SOHLH2: variants seen among roughly 807,000 people sequenced by gnomAD.
SOHLH2 encodes the protein spermatogenesis- and oogenesis-specific basic helix-loop-helix-containing protein 2.
In SOHLH2, 22 loss-of-function variants were observed where a neutral mutation model predicts 50.4. The ratio of observed to expected loss-of-function variants is 0.44; its 90% CI spans 0.31 to 0.62. The LOEUF (loss-of-function observed/expected upper bound fraction) is 0.62. Ranked by LOEUF, SOHLH2 falls within the 20% of genes least tolerant of loss-of-function variation. The probability of loss-of-function intolerance (pLI) is 0.08; values close to 1 mark genes in which losing one functional copy is unlikely to be tolerated. For missense variants in SOHLH2, 412 were observed against 504.4 expected (o/e 0.82, Z 1.76); for synonymous variants, 185 against 187.3 (o/e 0.99, Z 0.10).
At chr13:36,173,656 C>T (rs1408725103) in intron 9 of SOHLH2, 36 bp downstream of exon 9, 2 of 1,611,038 alleles carry the variant, frequency 1.2e-6, no homozygotes, top group Non-Finnish European at 1.7e-6. Flanking sequence ...AGGGCAGGTC[C>T]CCCTCTAAGT....
intron 10 of SOHLH2, among the ~76,000 whole-genome samples, chr13:36,170,207 G>A (rs1886924098): frequency 6.6e-6 from 1 of 152,150 alleles, no homozygotes; most frequent in Non-Finnish European, 1.5e-5. Flanking sequence ...AAAATGGGAT[G>A]TGCCACTGTG....
chr13:36,192,289 T>G (rs950801045), intron 4 of SOHLH2, among the ~76,000 whole-genome samples: 2 of 152,152 alleles, frequency 1.3e-5, no homozygotes, highest in African/African-American at 4.8e-5. Context: ...AATTTTTTCC[T>G]TTTTTGCAGC....
At chr13:36,194,598 G>C (rs745931054) in intron 2 of SOHLH2, among the ~76,000 whole-genome samples, 7 of 152,124 alleles carry the variant, frequency 4.6e-5, no homozygotes, top group Non-Finnish European at 7.4e-5. Context: ...TTTATTTCTT[G>C]AAATTTTTCA....
intron 9 of SOHLH2, among the ~76,000 whole-genome samples, chr13:36,172,999 G>C (rs1486378171): frequency 6.7e-6 from 1 of 148,208 alleles, no homozygotes; most frequent in Non-Finnish European, 1.5e-5. Context: ...TTTCCATCTT[G>C]TTATTTCAGG....
intron 9 of SOHLH2, among the ~76,000 whole-genome samples, chr13:36,172,653 A>G (rs1220268972): frequency 6.6e-6 from 1 of 152,210 alleles, no homozygotes; most frequent in Non-Finnish European, 1.5e-5. Context: ...GCTCCATAAG[A>G]ACAAGAACTG....
chr13:36,208,148 G>A (rs1256608348), intron 1 of SOHLH2, among the ~76,000 whole-genome samples: 1 of 152,118 alleles, frequency 6.6e-6, no homozygotes, highest in Non-Finnish European at 1.5e-5. Flanking sequence ...GATGGTTTGA[G>A]GCTTTGCAAA....
chr13:36,201,609 G>C (rs1231938137), intron 2 of SOHLH2, among the ~76,000 whole-genome samples: 1 of 151,850 alleles, frequency 6.6e-6, no homozygotes, highest in Non-Finnish European at 1.5e-5. Flanking sequence ...TGGAACTATA[G>C]GTGCATGTCA....
At chr13:36,197,353 C>T (rs573483045) in intron 2 of SOHLH2, among the ~76,000 whole-genome samples, 2 of 152,160 alleles carry the variant, frequency 1.3e-5, no homozygotes, top group Non-Finnish European at 2.9e-5. Flanking sequence ...TGCAGCAGTA[C>T]CCACCCACTG....
Position 36,188,002 on chromosome 13 carries a change from C to T in SOHLH2, c.641+1944G>A, listed in dbSNP as rs917906994. Among the ~76,000 whole-genome samples the T allele has an allele frequency of 5.3e-5, 8 of 152,038 alleles. No homozygotes were observed. The East Asian group carries it at 1.4e-3, about 26-fold the overall frequency. ...AGCGTCCCCTTCCTGTCTCTTGAAA[C>T]ACTCTCTCTAGGAGCCCTAAGCCAC... On this transcript the variant is annotated intron_variant, in intron 6 of 10. Transcript: ENST00000379881.
rs759596162 is a variant in SOHLH2 at position 36,170,625 on chromosome 13, T to C, written c.1163A>G (p.His388Arg). Residue 388 changes from histidine (H) to arginine (R), a missense_variant, in exon 10 of 11, where the codon CAT (histidine) becomes CGT (arginine). By Grantham distance (29) the His-to-Arg change is conservative. Coordinates refer to ENST00000379881, the MANE Select transcript of SOHLH2 (RefSeq NM_017826.3). ...GACCGGGGGCATGGCTGAAGGTAAA[T>C]GAATTGAAATGTTCTGATTTGTTAC... ...TAVTNQNISI[H>R]LPSAMPPVSK... 15 of 1,614,164 alleles carry C rather than the reference T, an allele frequency of 9.3e-6. No homozygotes were observed. The East Asian group carries it at 1.1e-4, about 12-fold the overall frequency.
chr13:36,199,065 A>C (rs768007524), intron 2 of SOHLH2, among the ~76,000 whole-genome samples: 92 of 152,222 alleles, frequency 6.0e-4, no homozygotes, highest in South Asian at 1.7e-3. Flanking sequence ...TAGTCATTAA[A>C]TATTAGCCCA....
chr13:36,170,285 C>T (rs143014802), intron 10 of SOHLH2, among the ~76,000 whole-genome samples: 2,356 of 152,186 alleles, frequency 0.015, 31 homozygotes, highest in Non-Finnish European at 0.024. Context: ...ACCTGGTCAC[C>T]GTCAAACTAG....
chr13:36,182,135 T>C (rs866855080), intron 6 of SOHLH2: 17 of 985,328 alleles, frequency 1.7e-5, no homozygotes, highest in Middle Eastern at 5.2e-4. Context: ...TTGTACTTTA[T>C]GTCCCTTTGA....
At chr13:36,194,513 G>A (rs1401371172) in intron 2 of SOHLH2, among the ~76,000 whole-genome samples, 1 of 152,146 alleles carries the variant, frequency 6.6e-6, no homozygotes, top group African/African-American at 2.4e-5. Flanking sequence ...TGGGAAGGTA[G>A]GGAGAAACAT....
intron 1 of SOHLH2, among the ~76,000 whole-genome samples, chr13:36,205,676 T>A (rs778099913): frequency 1.8e-4 from 27 of 152,188 alleles, no homozygotes; most frequent in Admixed American, 1.1e-3. Context: ...CTTGATATAA[T>A]TTTGTTTTAT....
intron 6 of SOHLH2, 62 bp from the exon 7 acceptor site, chr13:36,174,931 GACAA>G (rs1887061534): frequency 4.0e-6 from 6 of 1,514,540 alleles, no homozygotes; most frequent in Non-Finnish European, 3.5e-6. Flanking sequence ...TGTACCCAAA[GACAA>G]ACAACACTTC....
intron 6 of SOHLH2, among the ~76,000 whole-genome samples, chr13:36,178,081 A>T (rs543334951): frequency 4.6e-5 from 7 of 151,588 alleles, no homozygotes; most frequent in South Asian, 2.1e-4. Context: ...TAATAAATAT[A>T]AATTAATATT....
chr13:36,185,018 G>A (rs909215232), intron 6 of SOHLH2, among the ~76,000 whole-genome samples: 5 of 152,086 alleles, frequency 3.3e-5, no homozygotes, highest in Admixed American at 2.6e-4. Flanking sequence ...GAGACCATGC[G>A]GTATTTGGTT....
intron 1 of SOHLH2, among the ~76,000 whole-genome samples, chr13:36,209,628 C>T (rs972790968): frequency 6.6e-6 from 1 of 151,604 alleles, no homozygotes; most frequent in African/African-American, 2.4e-5. Context: ...TCCCAAAGAC[C>T]CCACCTGCTA....
Sources: allele counts gnomAD v4.1 joint callset (sites outside exome capture counted in the v4.1 genomes callset), GRCh38; gene constraint gnomAD v4.1.1; transcripts MANE v1.5; gene names NCBI Gene and HGNC (gene_info 2026-07-23, HGNC 2026-07-21).